Variants in PPCS observed in about 807,000 individuals in gnomAD.
PPCS encodes phosphopantothenoylcysteine synthetase.
A neutral mutation model predicts 24.6 loss-of-function variants in PPCS; 17 were observed. That is an observed-to-expected ratio of 0.69 (90% CI 0.47 to 1.04). PPCS has a LOEUF of 1.04. PPCS is among the 50% of genes least tolerant of loss of function. The probability of loss-of-function intolerance (pLI) is 0.00; values close to 1 mark genes in which losing one functional copy is unlikely to be tolerated. For missense variants in PPCS, 360 were observed against 402.8 expected, an observed-to-expected ratio of 0.89 and a Z score of 0.91; for synonymous variants, 190 against 168.3, an observed-to-expected ratio of 1.13 and a Z score of -1.00.
chr1:42,463,526 C>T (rs1335059673), downstream of PPCS: 1 of 152,326 alleles, frequency 6.6e-6, no homozygotes, highest in Non-Finnish European at 1.5e-5. Flanking sequence ...CTGGCCCGGC[C>T]TTTCTATTCC....
intron 2 of PPCS, chr1:42,467,861 A>G (rs1005284993): frequency 3.9e-5 from 6 of 152,252 alleles, no homozygotes; most frequent in Non-Finnish European, 5.9e-5. Flanking sequence ...ACTAAGAGAT[A>G]CAAAGATAGA....
exon 3 of PPCS, chr1:42,473,319 A>G: frequency 8.3e-7 from 1 of 1,204,304 alleles, no homozygotes; most frequent in African/African-American, 1.6e-5. Context: ...AACTAATAGC[A>G]TAGAATTTTA....
At chr1:42,466,002 C>T (rs537395389), downstream of PPCS, among the ~76,000 whole-genome samples, 1 of 152,128 alleles carries the variant, frequency 6.6e-6, no homozygotes, top group East Asian at 1.9e-4. Context: ...TTTTACATTG[C>T]TACAGTGTTT....
chr1:42,458,310 GGAA>G (rs1418140981), intron 2 of PPCS, among the ~76,000 whole-genome samples: 2 of 152,180 alleles, frequency 1.3e-5, no homozygotes, highest in Non-Finnish European at 2.9e-5. Context: ...TGTAGGTTAA[GGAA>G]GAAATATGGA....
chr1:42,472,276 C>T (rs574100257), intron 2 of PPCS, among the ~76,000 whole-genome samples: 47 of 152,102 alleles, frequency 3.1e-4, no homozygotes, highest in Admixed American at 2.2e-3. Context: ...TAGTTAGTGG[C>T]TCTAGTAACA....
chr1:42,461,369 T>C (rs1643405867), downstream of PPCS, among the ~76,000 whole-genome samples: 1 of 152,194 alleles, frequency 6.6e-6, no homozygotes, highest in Non-Finnish European at 1.5e-5. Context: ...AAGGTCATGC[T>C]TAGTCACCCA....
At chr1:42,457,639 ATGAAT>A (rs989661831) in intron 2 of PPCS, 1 of 416,688 alleles carries the variant, frequency 2.4e-6, no homozygotes, top group Non-Finnish European at 4.4e-6. Flanking sequence ...CTTGGAGGAG[ATGAAT>A]TGAACTGGGT....
chr1:42,471,997 G>A (rs770285592), intron 2 of PPCS, among the ~76,000 whole-genome samples: 18 of 152,146 alleles, frequency 1.2e-4, no homozygotes, highest in Admixed American at 2.6e-4. Context: ...TATTTGATTA[G>A]AACAGCAAGT....
In PPCS at chr1:42,460,443, A is replaced by G. The variant is rs1643379986; in HGVS notation, c.*517A>G. 1.1e-6 allele frequency: 1 copy of G among 931,108 alleles called. No individual in the cohort carries two copies. Among genetic ancestry groups the G allele is most frequent in the East Asian group, 1.2e-4 (1 of 8,564 alleles). The allele number at this position is 931,108 out of a possible 1,614,324, so 57.7% of individuals were successfully genotyped here. On this transcript the variant is annotated 3_prime_UTR_variant, in exon 3 of 3. Transcript: ENST00000372561. ...TTTTGTTTTGTTTGAAATTTATCAA[A>G]TATAGTAGTAGGAAAGAAGGATACC...
At chr1:42,458,509 A>G (rs775948255) in intron 2 of PPCS, among the ~76,000 whole-genome samples, 6 of 152,220 alleles carry the variant, frequency 3.9e-5, no homozygotes, top group Non-Finnish European at 8.8e-5. Context: ...AGTGAAAAGA[A>G]ACATACCCTG....
In PPCS at chr1:42,466,352, C is replaced by T. The variant is rs541990651; in HGVS notation, n.378-6770C>T. Among the ~76,000 whole-genome samples, 88 of 152,320 alleles carry T rather than the reference C, an allele frequency of 5.8e-4. No homozygotes were observed. In the South Asian group the frequency reaches 1.0e-2, roughly 17 times the overall value. On this transcript the variant is annotated intron_variant and non_coding_transcript_variant, in intron 2 of 2. Coordinates refer to the PPCS transcript ENST00000471420. Reference sequence around the variant, plus strand: ...GGAGAAAAAACAAGGAGACTGCACCCATTCTCCTTGTCCTCTTCTCGTTTA... The same window carrying T: ...GGAGAAAAAACAAGGAGACTGCACCTATTCTCCTTGTCCTCTTCTCGTTTA...
chr1:42,467,372 A>C (rs12048402), intron 2 of PPCS, among the ~76,000 whole-genome samples: 36,734 of 152,194 alleles, frequency 0.24, 4,807 homozygotes, highest in South Asian at 0.42. Context: ...AGCCTAAACT[A>C]AGGCAGTAAC....
chr1:42,457,323 G>A lies in PPCS; in HGVS notation c.585G>A (p.Lys195=), dbSNP rs1210563166. The change falls in exon 2 of 3, where the codon AAG becomes AAA. Residue 195 remains lysine, a synonymous_variant. Coordinates refer to ENST00000372561, the MANE Select transcript of PPCS (RefSeq NM_024664.4). The part of the protein sequence containing the change: ...YVPVSEMPEH[K]IQSSGGPLQI... ...CTGTCTCTGAAATGCCTGAACACAA[G>A]ATCCAGTCATCTGGGGGCCCACTGC... is the stretch of plus-strand genomic sequence containing the variant. 1.9e-6 allele frequency: 3 copies of A among 1,614,182 alleles called. No individual in the cohort carries two copies. The highest frequency in any genetic ancestry group is 2.2e-5 in the East Asian group (1 of 44,882).
In PPCS at chr1:42,456,628, G is replaced by A; in HGVS notation, c.63G>A (p.Glu21=). Residue 21 remains glutamate, a synonymous_variant, in exon 1 of 3, where the codon GAG becomes GAA. Coordinates refer to ENST00000372561, the MANE Select transcript of PPCS (RefSeq NM_024664.4). ...PQPPGAARWA[E]VMARFAARLG... is the part of the protein sequence containing the mutation. ...CTCCCGGTGCTGCGCGCTGGGCTGA[G>A]GTTATGGCTCGCTTCGCGGCCAGGC... is the stretch of plus-strand genomic sequence containing the variant. The A allele has an allele frequency of 6.3e-7, 1 of 1,588,344 alleles. No individual in the cohort carries two copies. Among genetic ancestry groups the A allele is most frequent in the Non-Finnish European group, 8.6e-7 (1 of 1,168,872 alleles).
Position 42,460,308 on chromosome 1 carries a change from G to A in PPCS, c.*382G>A, listed in dbSNP as rs1366337796. The stretch of plus-strand genomic sequence containing the variant: ...CTATGTATGTCAGGCCCTGTGCTGA[G>A]CCATGAGGATTAAAAAGATGAATAA... On this transcript the variant is annotated 3_prime_UTR_variant, in exon 3 of 3. Transcript: ENST00000372561. 1.0e-6 allele frequency: 1 copy of A among 992,880 alleles called. No individual in the cohort carries two copies. Among genetic ancestry groups the A allele is most frequent in the East Asian group, 1.1e-4 (1 of 9,252 alleles). 61.5% of individuals were successfully genotyped at this position (992,880 alleles called of 1,614,324 possible).
downstream of PPCS, among the ~76,000 whole-genome samples, chr1:42,464,712 G>T (rs184178831): frequency 6.6e-6 from 1 of 152,178 alleles, no homozygotes; most frequent in African/African-American, 2.4e-5. Context: ...CTTACAATAC[G>T]CATTCCTTGT....
downstream of PPCS, among the ~76,000 whole-genome samples, chr1:42,465,482 A>G (rs905019143): frequency 6.6e-6 from 1 of 152,084 alleles, no homozygotes; most frequent in Admixed American, 6.5e-5. Flanking sequence ...CTCCTGCTTC[A>G]GCCTCCTGAG....
chr1:42,470,496 A>G (rs915328), intron 2 of PPCS, among the ~76,000 whole-genome samples: 58,926 of 152,040 alleles, frequency 0.39, 11,909 homozygotes, highest in East Asian at 0.59. Context: ...CAGGGATTCA[A>G]ATACTTTTAC....
chr1:42,465,345 TTTTTTG>T (rs1198149050), downstream of PPCS, among the ~76,000 whole-genome samples: 2 of 151,990 alleles, frequency 1.3e-5, no homozygotes, highest in Non-Finnish European at 2.9e-5. Context: ...TAGGACAGTT[TTTTTTG>T]TTTTTGTTTT....
Sources: allele counts gnomAD v4.1 joint callset (sites outside exome capture counted in the v4.1 genomes callset), GRCh38; gene constraint gnomAD v4.1.1; transcripts MANE v1.5; gene names NCBI Gene and HGNC (gene_info 2026-07-23, HGNC 2026-07-21).